The following OSBPL3 variants were observed in gnomAD, a reference collection of about 807,000 sequenced individuals.
The protein encoded by OSBPL3 is oxysterol binding protein like 3.
In OSBPL3, 65 loss-of-function variants were observed where a neutral mutation model predicts 120.1. That is an observed-to-expected ratio of 0.54 (90% CI 0.44 to 0.67). OSBPL3 has a LOEUF of 0.67. Ranked by LOEUF, OSBPL3 falls within the 30% of genes least tolerant of loss-of-function variation. OSBPL3 has a pLI of 0.00. For synonymous variants in OSBPL3, 416 were observed against 402.6 expected (o/e 1.03, Z -0.40); for missense variants, 1,004 against 1,082.1 (o/e 0.93, Z 1.01).
At chr7:24,911,910 T>C (rs1808880010) in intron 1 of OSBPL3, among the ~76,000 whole-genome samples, 1 of 152,212 alleles carries the variant, frequency 6.6e-6, no homozygotes, top group South Asian at 2.1e-4. Flanking sequence ...TGGTTACTGG[T>C]AGACTAGAGC....
intron 1 of OSBPL3, among the ~76,000 whole-genome samples, chr7:24,934,144 AT>A (rs1284148447): frequency 6.6e-6 from 1 of 152,190 alleles, no homozygotes; most frequent in Non-Finnish European, 1.5e-5. Flanking sequence ...TACAGGCCTC[AT>A]TTTAAAAACA....
chr7:24,842,432 C>A lies in OSBPL3; in HGVS notation c.1267-19G>T, dbSNP rs372543789. ...AGTTTTCCTATTTGAAGAACAAAAC[C>A]AAAAATGTATACATTTAAAAACATT... On this transcript the variant is annotated intron_variant, in intron 12 of 22. Transcript: ENST00000313367. 3.2e-6 allele frequency: 5 copies of A among 1,562,766 alleles called. No homozygotes were observed. The Admixed American group carries it at 5.8e-5, about 18-fold the overall frequency.
chr7:24,828,606 G>GAAAAAAGAAAAAAAA (rs1491571662), intron 16 of OSBPL3, among the ~76,000 whole-genome samples: 13 of 32,546 alleles, frequency 4.0e-4, no homozygotes, highest in Non-Finnish European at 5.8e-4. Flanking sequence ...GACTCTGTCT[G>GAAAAAAGAAAAAAAA]AAAAAAAAAA....
intron 1 of OSBPL3, among the ~76,000 whole-genome samples, chr7:24,901,286 A>G (rs1806981877): frequency 6.6e-6 from 1 of 152,036 alleles, no homozygotes; most frequent in Non-Finnish European, 1.5e-5. Context: ...ACTGTACTCC[A>G]GCCTGCAGTG....
At chr7:24,979,822 G>A (rs1818066841) in intron 1 of OSBPL3, 64 bp downstream of exon 1, 3 of 927,890 alleles carry the variant, frequency 3.2e-6, no homozygotes, top group African/African-American at 1.8e-5. Flanking sequence ...GCCCTTCCGA[G>A]CCCGCGCCGC....
chr7:24,838,299 C>A (rs950043259), intron 14 of OSBPL3, among the ~76,000 whole-genome samples: 3 of 152,090 alleles, frequency 2.0e-5, no homozygotes, highest in African/African-American at 7.2e-5. Flanking sequence ...AGTTCAAGAC[C>A]AGCCTGGCCA....
At chr7:24,948,635 C>A (rs923438804) in intron 1 of OSBPL3, among the ~76,000 whole-genome samples, 1 of 152,134 alleles carries the variant, frequency 6.6e-6, no homozygotes, top group Non-Finnish European at 1.5e-5. Context: ...AAATAATTCC[C>A]AAATCATCTA....
intron 6 of OSBPL3, 39 bp from the exon 7 acceptor site, chr7:24,865,504 C>CA (rs1170564864): frequency 6.2e-7 from 1 of 1,605,484 alleles, no homozygotes; most frequent in African/African-American, 1.3e-5. Context: ...TAAATGGAAA[C>CA]AGAGCCCATT....
chr7:24,868,866 G>A (rs187700552), intron 5 of OSBPL3, among the ~76,000 whole-genome samples: 402 of 152,248 alleles, frequency 2.6e-3, no homozygotes, highest in Non-Finnish European at 4.8e-3. Flanking sequence ...CACTCATCTG[G>A]ACTCACTTTT....
intron 16 of OSBPL3, among the ~76,000 whole-genome samples, chr7:24,826,738 C>G (rs925807663): frequency 3.3e-5 from 5 of 152,122 alleles, no homozygotes; most frequent in African/African-American, 1.2e-4. Flanking sequence ...AATACTTGTT[C>G]TAAGAAAAAT....
In OSBPL3 at chr7:24,965,636, T is replaced by G. The variant is rs367938356; in HGVS notation, c.-150+14250A>C. Among the ~76,000 whole-genome samples the G allele has an allele frequency of 2.0e-4, 30 of 152,128 alleles. No individual in the cohort carries two copies. The highest frequency in any genetic ancestry group is 7.2e-4 in the African/African-American group (30 of 41,416). Reference sequence around the variant, plus strand: ...CTAATAACTTATTAGAATTGTAGAATCTCAGGTCCCATTAAATCAGAAACC... The same window carrying G: ...CTAATAACTTATTAGAATTGTAGAAGCTCAGGTCCCATTAAATCAGAAACC... On this transcript the variant is annotated intron_variant, in intron 1 of 22. Coordinates refer to ENST00000313367, the MANE Select transcript of OSBPL3 (RefSeq NM_015550.4). This position sits in a 1 kb window ranked among gnomAD's most constrained non-coding sequence, Gnocchi z 4.3.
chr7:24,973,445 A>G (rs1817247422), intron 1 of OSBPL3, among the ~76,000 whole-genome samples: 2 of 152,234 alleles, frequency 1.3e-5, no homozygotes, highest in South Asian at 4.1e-4. Context: ...GCTCTCAAAC[A>G]ACAGACTTAG....
At chr7:24,923,361 C>A (rs984067982) in intron 1 of OSBPL3, among the ~76,000 whole-genome samples, 6 of 152,208 alleles carry the variant, frequency 3.9e-5, no homozygotes, top group African/African-American at 1.4e-4. Context: ...ACTGGAGTAA[C>A]CCCAACAAAG....
intron 19 of OSBPL3, among the ~76,000 whole-genome samples, chr7:24,810,896 T>C (rs1793715678): frequency 6.6e-6 from 1 of 152,268 alleles, no homozygotes; most frequent in East Asian, 1.9e-4. Flanking sequence ...ATTGTGTTAA[T>C]ATGTACCACA....
chr7:24,974,637 T>C (rs1563027963), intron 1 of OSBPL3, among the ~76,000 whole-genome samples: 2 of 152,126 alleles, frequency 1.3e-5, no homozygotes, highest in African/African-American at 4.8e-5. Flanking sequence ...CCGTGGTATA[T>C]ACATACAATG....
chr7:24,859,030 G>A (rs558778330), intron 10 of OSBPL3, among the ~76,000 whole-genome samples: 7 of 152,314 alleles, frequency 4.6e-5, no homozygotes, highest in Middle Eastern at 3.4e-3. Flanking sequence ...GGGTGGGCCA[G>A]GTAACTCTTG....
At position 24,872,477 on chromosome 7, in the gene OSBPL3, G is replaced by A. The variant is rs186336023; in HGVS notation, c.97-408C>T. Among the ~76,000 whole-genome samples, 598 of 151,774 alleles carry A rather than the reference G, an allele frequency of 3.9e-3. 6 individuals carry two copies. The highest frequency in any genetic ancestry group is 0.014 in the African/African-American group (566 of 41,352). On this transcript the variant is annotated intron_variant, in intron 2 of 22. Transcript: ENST00000313367. This position sits in a 1 kb window ranked among gnomAD's most constrained non-coding sequence, Gnocchi z 4.1. ...TGTGTGTGTGTGTGTGTGTGTGTGT[G>A]TGTGTGTGTGGTGTTGGGGGAAGGA...
rs574392830 is a variant in OSBPL3, at chr7:24,844,299, T to A, written c.1267-1886A>T. 2.6e-5 allele frequency among the ~76,000 whole-genome samples: 4 copies of A among 152,334 alleles called. No homozygotes were observed. In the South Asian group the frequency reaches 8.3e-4, roughly 32 times the overall value. ...GCCAACCTACAGCCCGGGCGCCACA[T>A]ATGGCCCAGGATGGCTTTGAATGTG... is the stretch of plus-strand genomic sequence containing the variant. On this transcript the variant is annotated intron_variant, in intron 12 of 22. Coordinates refer to ENST00000313367, the MANE Select transcript of OSBPL3 (RefSeq NM_015550.4).
At chr7:24,825,570 A>G (rs1432433878) in intron 16 of OSBPL3, among the ~76,000 whole-genome samples, 2 of 152,206 alleles carry the variant, frequency 1.3e-5, no homozygotes, top group Non-Finnish European at 2.9e-5. Flanking sequence ...TATTTGATTT[A>G]TTGCTGGTTT....
Sources: gnomAD v4.1 joint callset for allele counts (sites outside exome capture counted in the v4.1 genomes callset) on GRCh38, gnomAD v4.1.1 for gene constraint, Gnocchi (gnomAD v3.1) non-coding constraint, MANE v1.5 for transcripts, NCBI Gene and HGNC (gene_info 2026-07-23, HGNC 2026-07-21) for gene names.